MGAT5B: variants seen among roughly 807,000 people sequenced by gnomAD.
MGAT5B encodes alpha-1,6-mannosylglycoprotein 6-beta-N-acetylglucosaminyltransferase B, also known as N-acetylglucosaminyl-transferase Vb.
Under a neutral mutation model 95.1 loss-of-function variants are expected in MGAT5B, and 54 were observed. The ratio of observed to expected loss-of-function variants is 0.57; its 90% CI spans 0.46 to 0.71. The LOEUF (loss-of-function observed/expected upper bound fraction) is 0.71. Among genes scored for constraint, MGAT5B ranks in the 30% least tolerant of loss-of-function variants. The pLI is 0.00. For missense variants in MGAT5B, 935 were observed against 1,088.6 expected (o/e 0.86, Z 1.99); for synonymous variants, 464 against 451.0 (o/e 1.03, Z -0.36).
chr17:76,932,559 A>C, intron 10 of MGAT5B, 86 bp from the exon 11 acceptor site: 7 of 1,530,252 alleles, frequency 4.6e-6, no homozygotes, highest in East Asian at 2.4e-5. Flanking sequence ...CCAAAAGAGG[A>C]CCTCTTGGGC....
chr17:76,872,523 G>A (rs939395022), intron 1 of MGAT5B: 10 of 729,336 alleles, frequency 1.4e-5, no homozygotes, highest in African/African-American at 5.3e-5. Context: ...CTGACTGCTC[G>A]TCTGGGGACT....
At chr17:76,928,449 G>A (rs538151155) in intron 10 of MGAT5B, among the ~76,000 whole-genome samples, 49 of 152,234 alleles carry the variant, frequency 3.2e-4, no homozygotes, top group Admixed American at 3.1e-3. Flanking sequence ...GCTCACACCT[G>A]TAATCCCAGC....
In MGAT5B at chr17:76,902,666, C is replaced by T. The variant is rs764753067; in HGVS notation, c.441C>T (p.Ser147=). The T allele has an allele frequency of 1.3e-6, 2 of 1,483,010 alleles. No individual in the cohort carries two copies. Among genetic ancestry groups the T allele is most frequent in the South Asian group, 2.3e-5 (2 of 85,532 alleles). The allele number at this position is 1,483,010 out of a possible 1,614,324, so 91.9% of individuals were successfully genotyped here. A position where few individuals can be genotyped will look rare whatever the true frequency, so the allele number is the denominator to read the frequency against. Residue 147 remains serine (S), a synonymous_variant, in exon 4 of 18, where the codon AGC becomes AGT. Coordinates refer to ENST00000569840, the MANE Select transcript of MGAT5B (RefSeq NM_001199172.2). ...TGCGCCACAGTCTGCTCCTGCACAG[C>T]AAGGGTGGGTGCCAGGGGGCGGGGG... The part of the protein sequence containing the change: ...QILRHSLLLH[S]KVSEGRRDQC...
rs1969534355 is a variant in MGAT5B at position 76,932,775 on chromosome 17, G to T, written c.1422G>T (p.Lys474Asn). The change falls in exon 11 of 18, where the codon AAG becomes AAT. Residue 474 changes from lysine (K) to asparagine (N), a missense_variant and splice_region_variant. Transcript: ENST00000569840. ...VVYGKEASIW[K>N]LQGKEKFLGI... The stretch of plus-strand genomic sequence containing the variant: ...ACGGCAAGGAGGCGAGCATCTGGAA[G>T]GTGAGCGCGGCCCCTGCGCGCGGGA... 1 of 1,613,278 alleles carries T rather than the reference G, an allele frequency of 6.2e-7. No homozygotes were observed. Among genetic ancestry groups the T allele is most frequent in the Non-Finnish European group, 8.5e-7 (1 of 1,179,830 alleles).
chr17:76,945,003 G>T (rs1969990951), intron 15 of MGAT5B, among the ~76,000 whole-genome samples: 1 of 152,210 alleles, frequency 6.6e-6, no homozygotes, highest in Non-Finnish European at 1.5e-5. Flanking sequence ...GGGGTGGGGA[G>T]GTTGAAGCCT....
chr17:76,936,408 A>C (rs1162223578), intron 12 of MGAT5B, among the ~76,000 whole-genome samples: 1 of 152,194 alleles, frequency 6.6e-6, no homozygotes, highest in Non-Finnish European at 1.5e-5. Flanking sequence ...ACTCTGTCCC[A>C]AAAACAAACA....
rs754683733 is a variant in MGAT5B, at chr17:76,872,831, C to T, written c.69-20C>T. 14 of 1,614,066 alleles carry T rather than the reference C, an allele frequency of 8.7e-6. No homozygotes were observed. The highest frequency in any genetic ancestry group is 5.5e-5 in the South Asian group (5 of 91,086). ...GATGGCCCTTCCTGCCCTCCTGACCCGCCTCCTTCCTCTCCGCAGGCTTTT... is the reference window on the plus strand; with the variant it reads ...GATGGCCCTTCCTGCCCTCCTGACCTGCCTCCTTCCTCTCCGCAGGCTTTT... On this transcript the variant is annotated intron_variant, in intron 1 of 17. Coordinates refer to ENST00000569840, the MANE Select transcript of MGAT5B (RefSeq NM_001199172.2).
At position 76,916,704 on chromosome 17, in the gene MGAT5B, T is replaced by C. The variant is rs1281933314; in HGVS notation, c.1026-8262T>C. On this transcript the variant is annotated intron_variant, in intron 8 of 17. Transcript: ENST00000569840. The surrounding 1 kb of genome is among the most constrained non-coding windows in gnomAD (Gnocchi z 5.3). ...TCCTGACGGAGGCAGGATTCATCCC[T>C]GGGGAGGAGGCATCAGGGCCTCTGT... Among the ~76,000 whole-genome samples, 2 of 152,096 alleles carry C rather than the reference T, an allele frequency of 1.3e-5. No homozygotes were observed. Among genetic ancestry groups the C allele is most frequent in the African/African-American group, 2.4e-5 (1 of 41,410 alleles).
intron 8 of MGAT5B, among the ~76,000 whole-genome samples, chr17:76,922,317 C>G (rs75073763): frequency 0.07 from 10,622 of 152,234 alleles, 491 homozygotes; most frequent in East Asian, 0.21. Flanking sequence ...CAGCCACCCC[C>G]TTCCTGGTTT....
At position 76,914,971 on chromosome 17, in the gene MGAT5B, T is replaced by C. The variant is rs113766110; in HGVS notation, c.1025+8784T>C. The stretch of plus-strand genomic sequence containing the variant: ...TCTTTTTATAAGGACACCAGTCAAC[T>C]TGGATTAGGGTCTACCCTAATGCCT... On this transcript the variant is annotated intron_variant, in intron 8 of 17. Transcript: ENST00000569840. This position sits in a 1 kb window ranked among gnomAD's most constrained non-coding sequence, Gnocchi z 5.1. Among the ~76,000 whole-genome samples the C allele has an allele frequency of 1.0e-3, 153 of 152,350 alleles. 1 individual carries two copies. The highest frequency in any genetic ancestry group is 3.6e-3 in the African/African-American group (150 of 41,582).
chr17:76,892,068 A>G (rs1036960984), intron 3 of MGAT5B, among the ~76,000 whole-genome samples: 2 of 152,134 alleles, frequency 1.3e-5, no homozygotes, highest in African/African-American at 4.8e-5. Flanking sequence ...TCTTTTTGAG[A>G]CAGGGTCTCA....
chr17:76,930,896 C>T lies in MGAT5B; in HGVS notation c.1292-1749C>T, dbSNP rs906723273. On this transcript the variant is annotated intron_variant, in intron 10 of 17. Coordinates refer to ENST00000569840, the MANE Select transcript of MGAT5B (RefSeq NM_001199172.2). This position sits in a 1 kb window ranked among gnomAD's most constrained non-coding sequence, Gnocchi z 4.1. Reference sequence around the variant, plus strand: ...GAAGGCTGAGTAGAATTTCCTCATCCGAGACAAGGGAGGAGGGCAGTGCAG... The same window carrying T: ...GAAGGCTGAGTAGAATTTCCTCATCTGAGACAAGGGAGGAGGGCAGTGCAG... Among the ~76,000 whole-genome samples the T allele has an allele frequency of 5.9e-5, 9 of 152,048 alleles. No individual in the cohort carries two copies. The highest frequency in any genetic ancestry group is 1.2e-4 in the Non-Finnish European group (8 of 68,002).
chr17:76,880,356 G>A (rs970364915), intron 2 of MGAT5B, among the ~76,000 whole-genome samples: 5 of 152,312 alleles, frequency 3.3e-5, no homozygotes, highest in East Asian at 1.9e-4. Flanking sequence ...GACCTCAGGC[G>A]GGTTCACCTG....
At chr17:76,947,454 C>T (rs1471190725) in intron 16 of MGAT5B, among the ~76,000 whole-genome samples, 2 of 152,128 alleles carry the variant, frequency 1.3e-5, no homozygotes, top group Admixed American at 1.3e-4. Flanking sequence ...AGCCTCACAG[C>T]CAGCCTGGGG....
In MGAT5B at chr17:76,914,974, G is replaced by A. The variant is rs1312939322; in HGVS notation, c.1025+8787G>A. 6.6e-6 allele frequency among the ~76,000 whole-genome samples: 1 copy of A among 152,176 alleles called. No individual in the cohort carries two copies. The highest frequency in any genetic ancestry group is 1.5e-5 in the Non-Finnish European group (1 of 68,034). ...TTTTATAAGGACACCAGTCAACTTG[G>A]ATTAGGGTCTACCCTAATGCCTTCA... On this transcript the variant is annotated intron_variant, in intron 8 of 17. Coordinates refer to ENST00000569840, the MANE Select transcript of MGAT5B (RefSeq NM_001199172.2). This position sits in a 1 kb window ranked among gnomAD's most constrained non-coding sequence, Gnocchi z 5.1.
chr17:76,882,440 A>G (rs775386705), intron 3 of MGAT5B, 142 bp downstream of exon 3: 27 of 978,388 alleles, frequency 2.8e-5, no homozygotes, highest in Non-Finnish European at 3.6e-5. Context: ...GTGCATTTCT[A>G]CCACCCAAAT....
chr17:76,925,492 T>A (rs1270124999), intron 9 of MGAT5B, among the ~76,000 whole-genome samples: 1 of 150,724 alleles, frequency 6.6e-6, no homozygotes, highest in Non-Finnish European at 1.5e-5. Context: ...CCTCTCTTCC[T>A]CCACCCCACC....
At chr17:76,911,231 G>T (rs935072115) in intron 8 of MGAT5B, among the ~76,000 whole-genome samples, 4 of 152,262 alleles carry the variant, frequency 2.6e-5, no homozygotes, top group Non-Finnish European at 4.4e-5. Context: ...GCTTGAGGCT[G>T]TGGCTTTTCT....
intron 3 of MGAT5B, among the ~76,000 whole-genome samples, chr17:76,891,098 G>T (rs1967849766): frequency 6.6e-6 from 1 of 151,492 alleles, no homozygotes; most frequent in Non-Finnish European, 1.5e-5. Context: ...CTGAGTAGCT[G>T]GGATTACAGG....
Sources: allele counts gnomAD v4.1 joint callset (sites outside exome capture counted in the v4.1 genomes callset), GRCh38; gene constraint gnomAD v4.1.1; non-coding constraint Gnocchi (gnomAD v3.1); transcripts MANE v1.5; gene names NCBI Gene and HGNC (gene_info 2026-07-23, HGNC 2026-07-21).